The following FHIT variants were observed in gnomAD, a reference collection of about 807,000 sequenced individuals.
FHIT encodes fragile histidine triad diadenosine triphosphatase.
In FHIT, 19 loss-of-function variants were observed where a neutral mutation model predicts 17.9. The observed-to-expected ratio is 1.06, with a 90% confidence interval of 0.74 to 1.56. The LOEUF (loss-of-function observed/expected upper bound fraction) is 1.56. FHIT is among the 40% of genes most tolerant of loss of function. FHIT has a pLI of 0.00. For synonymous variants in FHIT, 81 were observed against 69.7 expected (o/e 1.16, Z -0.81); for missense variants, 248 against 189.2 (o/e 1.31, Z -1.82).
chr3:60,636,358 C>A (rs1477190383), intron 4 of FHIT, among the ~76,000 whole-genome samples: 1 of 152,136 alleles, frequency 6.6e-6, no homozygotes, highest in African/African-American at 2.4e-5. Context: ...CATGAGCCAT[C>A]ACGCCTGGCC....
At chr3:60,763,072 A>G (rs1553720458) in intron 4 of FHIT, among the ~76,000 whole-genome samples, 1 of 152,156 alleles carries the variant, frequency 6.6e-6, no homozygotes, top group East Asian at 1.9e-4. Context: ...ACCACTTCAT[A>G]CACTGTGTAA....
rs571147811 is a variant in FHIT, at chr3:60,892,808, G to A, written c.-110-70797C>T. Among the ~76,000 whole-genome samples the A allele has an allele frequency of 5.7e-4, 86 of 152,168 alleles. 1 individual carries two copies. The East Asian group carries it at 9.3e-3, about 16-fold the overall frequency. ...TTATAAATACTTTGTAATAATATGCGTAAATGCATATGATATAAGGTTAAG... is the reference window on the plus strand; with the variant it reads ...TTATAAATACTTTGTAATAATATGCATAAATGCATATGATATAAGGTTAAG... On this transcript the variant is annotated intron_variant, in intron 3 of 9. Transcript: ENST00000492590.
chr3:60,877,087 G>C (rs1165035570), intron 3 of FHIT, among the ~76,000 whole-genome samples: 1 of 152,170 alleles, frequency 6.6e-6, no homozygotes, highest in Non-Finnish European at 1.5e-5. Context: ...CCAGCTGAGG[G>C]AGCTGCCTAC....
chr3:61,076,618 T>A (rs1040975481), intron 2 of FHIT, among the ~76,000 whole-genome samples: 2 of 152,136 alleles, frequency 1.3e-5, no homozygotes, highest in African/African-American at 4.8e-5. Flanking sequence ...ACTTATTGAG[T>A]CTTTAATATG....
chr3:60,463,999 G>A (rs75480726), intron 5 of FHIT, among the ~76,000 whole-genome samples: 2,667 of 152,246 alleles, frequency 0.018, 80 homozygotes, highest in African/African-American at 0.059. Context: ...TTTTGTGGAA[G>A]AACATGTAAT....
intron 3 of FHIT, among the ~76,000 whole-genome samples, chr3:61,013,578 CA>C (rs2031915386): frequency 6.6e-6 from 1 of 151,750 alleles, no homozygotes; most frequent in African/African-American, 2.4e-5. Flanking sequence ...AGTGTCTTTA[CA>C]AATATGTTAT....
chr3:60,451,304 G>T (rs978292919), intron 5 of FHIT, among the ~76,000 whole-genome samples: 8 of 151,962 alleles, frequency 5.3e-5, no homozygotes, highest in African/African-American at 1.9e-4. Context: ...ATATCATAAG[G>T]CCCACCTCCA....
chr3:59,772,483 A>G (rs1438727249), intron 8 of FHIT, among the ~76,000 whole-genome samples: 3 of 152,212 alleles, frequency 2.0e-5, no homozygotes, highest in Admixed American at 2.0e-4. Flanking sequence ...CCATCTTATC[A>G]GGGTGGCAGT....
rs539827141 is a variant in FHIT, at chr3:60,994,202, G to T, written c.-111+47845C>A. 9.9e-5 allele frequency among the ~76,000 whole-genome samples: 15 copies of T among 152,098 alleles called. 1 individual carries two copies. In the South Asian group the frequency reaches 2.9e-3, roughly 29 times the overall value. ...AAACATTTTTTTAAGTTATGTATGT[G>T]GCTCACATGTATTTCATTTGGATGA... is the stretch of plus-strand genomic sequence containing the variant. On this transcript the variant is annotated intron_variant, in intron 3 of 9. Coordinates refer to ENST00000492590, the MANE Select transcript of FHIT (RefSeq NM_002012.4).
At chr3:60,923,618 G>C (rs1707406517) in intron 3 of FHIT, among the ~76,000 whole-genome samples, 1 of 152,154 alleles carries the variant, frequency 6.6e-6, no homozygotes. Context: ...CCAGTCTACA[G>C]CTCCCAGAGT....
intron 3 of FHIT, among the ~76,000 whole-genome samples, chr3:60,988,429 A>T (rs2029877322): frequency 6.6e-6 from 1 of 152,170 alleles, no homozygotes; most frequent in African/African-American, 2.4e-5. Context: ...TGGATATTTA[A>T]TAATTATGAA....
chr3:61,061,221 C>A (rs1332076024), intron 2 of FHIT, among the ~76,000 whole-genome samples: 2 of 152,114 alleles, frequency 1.3e-5, no homozygotes, highest in Admixed American at 6.6e-5. Flanking sequence ...AACATTTTCC[C>A]CCCTCCTTTG....
At chr3:60,761,280 A>T (rs1699642105) in intron 4 of FHIT, among the ~76,000 whole-genome samples, 1 of 152,252 alleles carries the variant, frequency 6.6e-6, no homozygotes, top group South Asian at 2.1e-4. Flanking sequence ...TGAATACAAG[A>T]TAACATAGAG....
In FHIT at chr3:60,854,363, A is replaced by ATT. The variant is rs577447095; in HGVS notation, c.-110-32354_-110-32353dup. Among the ~76,000 whole-genome samples the ATT allele has an allele frequency of 2.0e-4, 31 of 152,134 alleles. No individual in the cohort carries two copies. The East Asian group carries it at 5.8e-3, about 28-fold the overall frequency. The stretch of plus-strand genomic sequence containing the variant: ...AGCTTTGGAAGGTGTATCACTTGGG[A>ATT]TTGCTTTCAGATGCATTAATTGCAA... On this transcript the variant is annotated intron_variant, in intron 3 of 9. Coordinates refer to ENST00000492590, the MANE Select transcript of FHIT (RefSeq NM_002012.4).
intron 2 of FHIT, among the ~76,000 whole-genome samples, chr3:61,136,213 G>A (rs6802143): frequency 0.081 from 12,222 of 151,446 alleles, 708 homozygotes; most frequent in East Asian, 0.25. Context: ...CACCACCACC[G>A]TCACCACGCC....
intron 7 of FHIT, among the ~76,000 whole-genome samples, chr3:60,009,183 G>C (rs1477606376): frequency 8.6e-6 from 1 of 116,410 alleles, no homozygotes; most frequent in African/African-American, 3.7e-5. Context: ...GTGTGTGTGT[G>C]TGTGTGTGTG....
chr3:60,078,519 C>A (rs1703132846), intron 5 of FHIT, among the ~76,000 whole-genome samples: 1 of 152,088 alleles, frequency 6.6e-6, no homozygotes, highest in Non-Finnish European at 1.5e-5. Flanking sequence ...GATTAAAGAA[C>A]ACTAAAAGAC....
intron 5 of FHIT, among the ~76,000 whole-genome samples, chr3:60,111,316 G>A (rs895343456): frequency 6.6e-6 from 1 of 152,150 alleles, no homozygotes; most frequent in Non-Finnish European, 1.5e-5. Context: ...TCTGGAATGA[G>A]TAAAAACAAA....
chr3:60,403,508 G>T (rs757827713), intron 5 of FHIT, among the ~76,000 whole-genome samples: 5 of 152,010 alleles, frequency 3.3e-5, no homozygotes, highest in Non-Finnish European at 5.9e-5. Flanking sequence ...CTCCCCATAG[G>T]CCAGCCACAA....
Sources: gnomAD v4.1 joint callset for allele counts (sites outside exome capture counted in the v4.1 genomes callset) on GRCh38, gnomAD v4.1.1 for gene constraint, MANE v1.5 for transcripts, NCBI Gene and HGNC (gene_info 2026-07-23, HGNC 2026-07-21) for gene names.